The following NPC1 variants were observed in gnomAD, a reference collection of about 807,000 sequenced individuals.
NPC1 encodes the protein NPC intracellular cholesterol transporter 1.
A neutral mutation model predicts 140.4 loss-of-function variants in NPC1; 85 were observed. The ratio of observed to expected loss-of-function variants is 0.61; its 90% CI spans 0.51 to 0.72. The LOEUF is 0.72. Among genes scored for constraint, NPC1 ranks in the 30% least tolerant of loss-of-function variants. The pLI is 0.00. For missense variants in NPC1, 1,504 were observed against 1,623.8 expected (o/e 0.93, Z 1.27); for synonymous variants, 656 against 624.8 (o/e 1.05, Z -0.74).
chr18:23,554,797 A>C lies in NPC1; in HGVS notation c.1514T>G (p.Val505Gly), dbSNP rs1312272396. 4 of 1,614,128 alleles carry C rather than the reference A, an allele frequency of 2.5e-6. No homozygotes were observed. In the Admixed American group the frequency reaches 6.7e-5, roughly 27 times the overall value. Residue 505 changes from valine (V) to glycine (G), a missense_variant, in exon 9 of 25, where the codon GTG becomes GGG. Physicochemically the swap from Val to Gly is moderately radical, Grantham distance 109. Coordinates refer to ENST00000269228, the MANE Select transcript of NPC1 (RefSeq NM_000271.5). The stretch of plus-strand genomic sequence containing the variant: ...AAAGTGCGTGTGGTAATCGGCATAC[A>C]CAAAGAAGTCGTCCCCTTTCTTGTG... Reference protein sequence around the residue: ...LDHKKGDDFFVYADYHTHFLY... With the variant: ...LDHKKGDDFFGYADYHTHFLY...
At chr18:23,566,361 G>C (rs934890452) in intron 4 of NPC1, among the ~76,000 whole-genome samples, 2 of 152,160 alleles carry the variant, frequency 1.3e-5, no homozygotes, top group Non-Finnish European at 2.9e-5. Flanking sequence ...TCCAGCCTGG[G>C]TGACAGCATG....
chr18:23,520,198 C>G, downstream of NPC1: 1 of 1,612,000 alleles, frequency 6.2e-7, no homozygotes, highest in Non-Finnish European at 8.5e-7. Flanking sequence ...TTTTTCCCCC[C>G]CAGACATCGG....
intron 3 of NPC1, among the ~76,000 whole-genome samples, chr18:23,571,145 G>A (rs1471092150): frequency 6.6e-6 from 1 of 152,068 alleles, no homozygotes; most frequent in African/African-American, 2.4e-5. Context: ...CAACTGGGAA[G>A]TGAACCAAGT....
chr18:23,565,362 T>C (rs1158266150), intron 4 of NPC1, among the ~76,000 whole-genome samples: 1 of 152,188 alleles, frequency 6.6e-6, no homozygotes, highest in Non-Finnish European at 1.5e-5. Flanking sequence ...GTTTTTTCTG[T>C]TTTTCTTTTT....
In NPC1 at chr18:23,531,701, C is replaced by CTGAAATCACTTGCTGTTTTTTTAT. The variant is rs777884024; in HGVS notation, c.*477_*500dup. Reference sequence around the variant, plus strand: ...AAGCTCTAATGAGGCCTACAACATTCTGAAATCACTTGCTGTTTTTTTATA... The same window carrying CTGAAATCACTTGCTGTTTTTTTAT: ...AAGCTCTAATGAGGCCTACAACATTCTGAAATCACTTGCTGTTTTTTTATTGAAATCACTTGCTGTTTTTTTATA... On this transcript the variant is annotated 3_prime_UTR_variant, in exon 25 of 25. Transcript: ENST00000269228. The CTGAAATCACTTGCTGTTTTTTTAT allele has an allele frequency of 4.4e-6, 7 of 1,604,808 alleles. No homozygotes were observed. The highest frequency in any genetic ancestry group is 5.9e-6 in the Non-Finnish European group (7 of 1,177,860).
At chr18:23,577,756 A>G (rs1001544639) in intron 1 of NPC1, among the ~76,000 whole-genome samples, 2 of 152,208 alleles carry the variant, frequency 1.3e-5, no homozygotes, top group African/African-American at 4.8e-5. Context: ...GGCGGGCTGC[A>G]GGTCCCGAGC....
At chr18:23,567,134 C>T (rs2059136967) in intron 4 of NPC1, among the ~76,000 whole-genome samples, 1 of 152,194 alleles carries the variant, frequency 6.6e-6, no homozygotes, top group South Asian at 2.1e-4. Context: ...GACAAAGCTG[C>T]TACAAATATC....
rs143797098 is a variant in NPC1, at chr18:23,556,299, G to A, written c.1270C>T (p.Pro424Ser). Residue 424 changes from proline to serine, a missense_variant, in exon 8 of 25, where the codon CCT becomes TCT. Pro to Ser is a moderately conservative substitution (Grantham distance 74). Coordinates refer to ENST00000269228, the MANE Select transcript of NPC1 (RefSeq NM_000271.5). ...LTDKHIYQPY[P>S]SGADVPFGPP... ...CCAAAGGGTACATCAGCTCCCGAAG[G>A]GTATGGCTGGTAAATGTGTTTGTCA... The A allele has an allele frequency of 2.5e-6, 4 of 1,613,958 alleles. No individual in the cohort carries two copies. In the East Asian group the frequency reaches 6.7e-5, roughly 27 times the overall value.
At chr18:23,537,698 C>T (rs772859019) in intron 20 of NPC1, among the ~76,000 whole-genome samples, 1 of 152,170 alleles carries the variant, frequency 6.6e-6, no homozygotes, top group African/African-American at 2.4e-5. Flanking sequence ...TCCCCAGGAA[C>T]GGTGGCTACT....
chr18:23,518,163 G>C (rs1256384461), downstream of NPC1, among the ~76,000 whole-genome samples: 2 of 152,308 alleles, frequency 1.3e-5, no homozygotes, highest in Middle Eastern at 3.4e-3. Context: ...ATGCATTCAG[G>C]AACTGTTCAC....
intron 3 of NPC1, among the ~76,000 whole-genome samples, chr18:23,515,593 A>G (rs1002876774): frequency 2.0e-5 from 3 of 152,128 alleles, no homozygotes; most frequent in South Asian, 2.1e-4. Flanking sequence ...TGATGGTGCA[A>G]TCTTGACTCA....
intron 10 of NPC1, 59 bp downstream of exon 10, chr18:23,551,568 T>A: frequency 7.9e-7 from 1 of 1,269,608 alleles, no homozygotes; most frequent in East Asian, 2.3e-5. Flanking sequence ...CACTTGATGC[T>A]AATGACAAAA....
chr18:23,536,238 C>T (rs1161793838), intron 21 of NPC1, among the ~76,000 whole-genome samples: 1 of 152,134 alleles, frequency 6.6e-6, no homozygotes, highest in Non-Finnish European at 1.5e-5. Context: ...GTAGTTCATA[C>T]ATAATACTTT....
At chr18:23,550,021 T>G (rs1043655606) in intron 10 of NPC1, among the ~76,000 whole-genome samples, 21 of 138,884 alleles carry the variant, frequency 1.5e-4, no homozygotes, top group African/African-American at 5.6e-4. Flanking sequence ...TTTTGTCCAG[T>G]TTTTTTTTTT....
chr18:23,564,862 C>T (rs914546707), intron 4 of NPC1, among the ~76,000 whole-genome samples: 1 of 152,128 alleles, frequency 6.6e-6, no homozygotes, highest in Non-Finnish European at 1.5e-5. Context: ...TGAAGTAGGG[C>T]CCAATTTCAT....
intron 9 of NPC1, among the ~76,000 whole-genome samples, chr18:23,554,365 G>C (rs2058918376): frequency 6.6e-6 from 1 of 152,210 alleles, no homozygotes; most frequent in South Asian, 2.1e-4. Context: ...CAGCACTTTG[G>C]GAGGCCGAGG....
chr18:23,568,980 A>G lies in NPC1; in HGVS notation c.306T>C (p.Tyr102=), dbSNP rs751249367. ...GCTCACAAAACAGGTTCAGTAGGTT[A>G]TAAAAACAGGATGGACATCTAAAGG... is the stretch of plus-strand genomic sequence containing the variant. The part of the protein sequence containing the change: ...QFLSRCPSCF[Y]NLLNLFCELT... Residue 102 remains tyrosine, a synonymous_variant, in exon 4 of 25, where the codon TAT becomes TAC. Coordinates refer to ENST00000269228, the MANE Select transcript of NPC1 (RefSeq NM_000271.5). 9 of 1,613,660 alleles carry G rather than the reference A, an allele frequency of 5.6e-6. No individual in the cohort carries two copies. The South Asian group carries it at 7.7e-5, about 14-fold the overall frequency.
In NPC1 at chr18:23,545,051, C is replaced by T. The variant is rs992289027; in HGVS notation, c.1856G>A (p.Ser619Asn). 3.1e-6 allele frequency: 5 copies of T among 1,608,374 alleles called. No individual in the cohort carries two copies. The highest frequency in any genetic ancestry group is 4.2e-6 in the Non-Finnish European group (5 of 1,176,634). The change falls in exon 12 of 25, where the codon AGT becomes AAT. Residue 619 changes from serine to asparagine, a missense_variant. Ser to Asn is a conservative substitution (Grantham distance 46). Coordinates refer to ENST00000269228, the MANE Select transcript of NPC1 (RefSeq NM_000271.5). ...IEDELNRESDSDVFTVVISYA... is the reference protein window; with the variant it reads ...IEDELNRESDNDVFTVVISYA... ...GCTAATTACAACGGTGAAGACATCACTGTCACTTTCACGATTTAGTTCATC... is the reference window on the plus strand; with the variant it reads ...GCTAATTACAACGGTGAAGACATCATTGTCACTTTCACGATTTAGTTCATC...
chr18:23,506,977 G>T, intron 3 of NPC1: 2 of 1,601,388 alleles, frequency 1.2e-6, no homozygotes, highest in South Asian at 2.2e-5. Context: ...AAGAATGGAT[G>T]ACAAAGGAGA....
Sources: gnomAD v4.1 joint callset for allele counts (sites outside exome capture counted in the v4.1 genomes callset) on GRCh38, gnomAD v4.1.1 for gene constraint, MANE v1.5 for transcripts, NCBI Gene and HGNC (gene_info 2026-07-23, HGNC 2026-07-21) for gene names.